FRMD8: variants seen among roughly 807,000 people sequenced by gnomAD.
The protein encoded by FRMD8 is FERM domain-containing protein 8.
FRMD8 carries 37 observed loss-of-function variants against 54.2 expected under a neutral mutation model. That is an observed-to-expected ratio of 0.68 (90% CI 0.53 to 0.90). The LOEUF is 0.90. Among genes scored for constraint, FRMD8 ranks in the 40% least tolerant of loss-of-function variants. The probability of loss-of-function intolerance (pLI) is 0.00; values close to 1 mark genes in which losing one functional copy is unlikely to be tolerated. For synonymous variants in FRMD8, 246 were observed against 286.9 expected (o/e 0.86, Z 1.44); for missense variants, 585 against 653.7 (o/e 0.89, Z 1.15).
intron 9 of FRMD8, among the ~76,000 whole-genome samples, chr11:65,402,631 C>G (rs1401929892): frequency 2.6e-5 from 4 of 152,172 alleles, no homozygotes; most frequent in East Asian, 3.9e-4. Context: ...TATCCACCCC[C>G]CAAAAAAAGG....
At chr11:65,374,363 T>TGCCCAGGTGGAGCAGGGTAGCC in the FRMD8 span, among the ~76,000 whole-genome samples, 7 of 152,030 alleles carry the variant, frequency 4.6e-5, no homozygotes, top group Non-Finnish European at 7.4e-5. Flanking sequence ...GGTAGCTAAG[T>TGCCCAGGTGGAGCAGGGTAGCC]AACTGGACAC....
At chr11:65,407,232 T>C (rs1277445394) in intron 10 of FRMD8, among the ~76,000 whole-genome samples, 4 of 1,422 alleles carry the variant, frequency 2.8e-3, no homozygotes, top group African/African-American at 2.9e-3. Context: ...GATCTACATT[T>C]ATTTATTTAT....
chr11:65,387,000 G>T, intron 1 of FRMD8, 37 bp from the exon 2 acceptor site: 1 of 1,578,008 alleles, frequency 6.3e-7, no homozygotes. Flanking sequence ...CCCCATCCCT[G>T]GCTCCCGGTA....
Position 65,405,691 on chromosome 11 carries a change from G to T in FRMD8, c.1276+623G>T, listed in dbSNP as rs957025554. On this transcript the variant is annotated intron_variant, in intron 10 of 10. Transcript: ENST00000317568. The stretch of plus-strand genomic sequence containing the variant: ...CTGTGACCACATCTTGGGGTGTTGA[G>T]TGCAGCTGGTAAAAATACAGTACCC... Among the ~76,000 whole-genome samples, 11 of 152,154 alleles carry T rather than the reference G, an allele frequency of 7.2e-5. No homozygotes were observed. The South Asian group carries it at 2.3e-3, about 32-fold the overall frequency.
the FRMD8 span, among the ~76,000 whole-genome samples, chr11:65,368,548 A>AGTTTTGTTTTGTTTT: frequency 7.3e-5 from 11 of 150,208 alleles, no homozygotes; most frequent in African/African-American, 2.7e-4. Context: ...TGCCAGCTAG[A>AGTTTTGTTTTGTTTT]GTTTTGTTTT....
chr11:65,409,018 C>T (rs1856270540), intron 10 of FRMD8, among the ~76,000 whole-genome samples: 1 of 152,146 alleles, frequency 6.6e-6, no homozygotes, highest in Non-Finnish European at 1.5e-5. Flanking sequence ...CATGCCCTCA[C>T]CCACAATGGG....
intron 9 of FRMD8, among the ~76,000 whole-genome samples, chr11:65,403,387 T>A (rs1041074312): frequency 1.3e-5 from 2 of 152,166 alleles, no homozygotes; most frequent in Non-Finnish European, 2.9e-5. Context: ...TTCACCATGT[T>A]GGCCAGGCTG....
At chr11:65,409,765 CAAA>C (rs751034633) in intron 10 of FRMD8, among the ~76,000 whole-genome samples, 5 of 117,906 alleles carry the variant, frequency 4.2e-5, no homozygotes, top group Non-Finnish European at 1.8e-5. Flanking sequence ...GACCCTGTCG[CAAA>C]AAAAAAAAAA....
At chr11:65,376,672 G>A in the FRMD8 span, 3 of 1,613,684 alleles carry the variant, frequency 1.9e-6, no homozygotes, top group Admixed American at 3.3e-5. Context: ...CACCGTGGCT[G>A]AGCCTGGGGC....
chr11:65,408,210 G>A (rs1398316078), intron 10 of FRMD8, among the ~76,000 whole-genome samples: 1 of 151,724 alleles, frequency 6.6e-6, no homozygotes, highest in Admixed American at 6.6e-5. Flanking sequence ...AAGTATCTGG[G>A]ATTACAGGCT....
At chr11:65,379,190 CCCCCTCTGTT>C in the FRMD8 span, 2 of 649,144 alleles carry the variant, frequency 3.1e-6, no homozygotes, top group Non-Finnish European at 5.2e-6. Flanking sequence ...CTGCCTTTTG[CCCCCTCTGTT>C]CCCCACAGCC....
At position 65,400,630 on chromosome 11, in the gene FRMD8, G is replaced by A. The variant is rs552238083; in HGVS notation, c.928-94G>A. On this transcript the variant is annotated intron_variant, in intron 8 of 10. Coordinates refer to ENST00000317568, the MANE Select transcript of FRMD8 (RefSeq NM_031904.5). The surrounding 1 kb of genome is among the most constrained non-coding windows in gnomAD (Gnocchi z 4.3). ...ACAAATGTAGACTCAGCCTTGGAGA[G>A]GCACACACCCTGGCCAGGTGTCTGA... The A allele has an allele frequency of 3.1e-6, 4 of 1,277,482 alleles. No homozygotes were observed. The highest frequency in any genetic ancestry group is 3.0e-5 in the African/African-American group (2 of 66,594). The allele number at this position is 1,277,482 out of a possible 1,614,324, so 79.1% of individuals were successfully genotyped here. A position where few individuals can be genotyped will look rare whatever the true frequency, so the allele number is the denominator to read the frequency against.
chr11:65,396,868 G>C lies in FRMD8; in HGVS notation c.651G>C (p.Arg217=). Residue 217 remains arginine (R), a synonymous_variant, in exon 7 of 11, where the codon CGG becomes CGC. Transcript: ENST00000317568. The stretch of plus-strand genomic sequence containing the variant: ...GCCAGAGTCTCTTTGCTGCCCTCCG[G>C]GGCCGTGGGGCCAGGGCCGGGCCGG... ...KRGQSLFAAL[R]GRGARAGPGE... 8.3e-6 allele frequency: 13 copies of C among 1,559,100 alleles called. No individual in the cohort carries two copies. The highest frequency in any genetic ancestry group is 1.1e-5 in the Non-Finnish European group (13 of 1,152,928).
intron 3 of FRMD8, among the ~76,000 whole-genome samples, chr11:65,393,250 C>G (rs1855877986): frequency 6.6e-6 from 1 of 152,200 alleles, no homozygotes; most frequent in African/African-American, 2.4e-5. Context: ...TTCCTTTGTG[C>G]CCCAGCACCT....
chr11:65,389,795 G>C (rs1855807770), intron 3 of FRMD8, among the ~76,000 whole-genome samples: 1 of 152,116 alleles, frequency 6.6e-6, no homozygotes, highest in South Asian at 2.1e-4. Context: ...GGACTGGGTG[G>C]TCCAGGAACA....
Position 65,404,809 on chromosome 11 carries a change from C to A in FRMD8, c.1072-55C>A. The A allele has an allele frequency of 6.8e-7, 1 of 1,462,428 alleles. No homozygotes were observed. Among genetic ancestry groups the A allele is most frequent in the Non-Finnish European group, 9.5e-7 (1 of 1,053,348 alleles). The allele number at this position is 1,462,428 out of a possible 1,614,324, so 90.6% of individuals were successfully genotyped here. ...AGAGCAGAGCTCATTTCAGGCTCAG[C>A]AACAGGCATGGAAGGGGGCCCTGGC... On this transcript the variant is annotated intron_variant, in intron 9 of 10. Transcript: ENST00000317568. This position sits in a 1 kb window ranked among gnomAD's most constrained non-coding sequence, Gnocchi z 4.7.
Position 65,396,827 on chromosome 11 carries a change from C to T in FRMD8, c.610C>T (p.His204Tyr). Residue 204 changes from histidine (H) to tyrosine (Y), a missense_variant, in exon 7 of 11, where the codon CAC becomes TAC. By Grantham distance (83) the His-to-Tyr change is moderately conservative. Coordinates refer to ENST00000317568, the MANE Select transcript of FRMD8 (RefSeq NM_031904.5). ...REKLDSFLPAHLCKRGQSLFA... is the reference protein window; with the variant it reads ...REKLDSFLPAYLCKRGQSLFA... ...GAAGCTGGACTCCTTCCTCCCTGCCCACCTCTGTAAGCGGGGCCAGAGTCT... is the reference window on the plus strand; with the variant it reads ...GAAGCTGGACTCCTTCCTCCCTGCCTACCTCTGTAAGCGGGGCCAGAGTCT... 6.4e-7 allele frequency: 1 copy of T among 1,558,076 alleles called. No homozygotes were observed. Among genetic ancestry groups the T allele is most frequent in the Non-Finnish European group, 8.7e-7 (1 of 1,152,262 alleles).
At chr11:65,395,703 T>A (rs1007358586) in intron 6 of FRMD8, among the ~76,000 whole-genome samples, 1 of 152,212 alleles carries the variant, frequency 6.6e-6, no homozygotes, top group Non-Finnish European at 1.5e-5. Flanking sequence ...TTTGTGAGCC[T>A]GTGCTAGTTG....
At chr11:65,401,006 A>G in intron 9 of FRMD8, 139 bp downstream of exon 9, 2 of 977,838 alleles carry the variant, frequency 2.0e-6, no homozygotes, top group Non-Finnish European at 2.9e-6. Context: ...GCCTGGGCAC[A>G]AGGGGTGCCT....
Sources: gnomAD v4.1 joint callset for allele counts (sites outside exome capture counted in the v4.1 genomes callset) on GRCh38, gnomAD v4.1.1 for gene constraint, Gnocchi (gnomAD v3.1) non-coding constraint, MANE v1.5 for transcripts, NCBI Gene and HGNC (gene_info 2026-07-23, HGNC 2026-07-21) for gene names.